YPEL1: variants seen among roughly 807,000 people sequenced by gnomAD.
YPEL1 encodes yippee like 1, also known as protein yippee-like 1.
Under a neutral mutation model 17.3 loss-of-function variants are expected in YPEL1, and 7 were observed. That is an observed-to-expected ratio of 0.40 (90% CI 0.23 to 0.76). The LOEUF is 0.76. Ranked by LOEUF, YPEL1 falls within the 30% of genes least tolerant of loss-of-function variation. The probability of loss-of-function intolerance (pLI) is 0.35; values close to 1 mark genes in which losing one functional copy is unlikely to be tolerated. For synonymous variants in YPEL1, 59 were observed against 59.6 expected, an observed-to-expected ratio of 0.99 and a Z score of 0.05; for missense variants, 91 against 155.5, an observed-to-expected ratio of 0.59 and a Z score of 2.21.
At chr22:21,718,473 A>T (rs2068249962) in intron 1 of YPEL1, among the ~76,000 whole-genome samples, 1 of 151,542 alleles carries the variant, frequency 6.6e-6, no homozygotes, top group Admixed American at 6.6e-5. Flanking sequence ...AAAAAAAAAT[A>T]ATAATATAAA....
intron 1 of YPEL1, among the ~76,000 whole-genome samples, chr22:21,715,587 ATTT>A (rs111467006): frequency 0.41 from 58,927 of 142,468 alleles, 13,036 homozygotes; most frequent in Non-Finnish European, 0.5. Context: ...TAGATTTTTT[ATTT>A]TTTTTATTTT....
At position 21,717,567 on chromosome 22, in the gene YPEL1, C is replaced by T. The variant is rs117789159; in HGVS notation, c.-164-6659G>A. The stretch of plus-strand genomic sequence containing the variant: ...CCAGAATTAAGGAAAAGCTACTAAT[C>T]CACAGACTTAAAAAGCCCAACAGTC... On this transcript the variant is annotated intron_variant, in intron 1 of 4. Coordinates refer to ENST00000339468, the MANE Select transcript of YPEL1 (RefSeq NM_013313.5). 7.9e-5 allele frequency among the ~76,000 whole-genome samples: 12 copies of T among 151,962 alleles called. No individual in the cohort carries two copies. The East Asian group carries it at 2.3e-3, about 29-fold the overall frequency.
At chr22:21,717,019 T>TA (rs1362771310) in intron 1 of YPEL1, among the ~76,000 whole-genome samples, 2 of 150,602 alleles carry the variant, frequency 1.3e-5, no homozygotes, top group Non-Finnish European at 2.9e-5. Context: ...AATAGGAGAA[T>TA]AAAAAGAGAA....
chr22:21,725,789 T>TC, intron 1 of YPEL1, among the ~76,000 whole-genome samples: 1 of 150,600 alleles, frequency 6.6e-6, no homozygotes, highest in East Asian at 2.0e-4. Context: ...GCCCAGGAGT[T>TC]CGAGACCAGC....
At chr22:21,717,139 G>A (rs1379086594) in intron 1 of YPEL1, among the ~76,000 whole-genome samples, 1 of 106,838 alleles carries the variant, frequency 9.4e-6, no homozygotes, top group East Asian at 1.9e-4. Context: ...GCCGGGGCTG[G>A]GGGGGCGGGG....
intron 1 of YPEL1, among the ~76,000 whole-genome samples, chr22:21,732,359 T>G (rs1225969071): frequency 6.6e-6 from 1 of 152,230 alleles, no homozygotes; most frequent in Non-Finnish European, 1.5e-5. Context: ...CTTAAAAACA[T>G]TTACGTCAAC....
At chr22:21,719,270 C>A (rs1172375381) in intron 1 of YPEL1, among the ~76,000 whole-genome samples, 3 of 152,210 alleles carry the variant, frequency 2.0e-5, no homozygotes, top group Non-Finnish European at 4.4e-5. Flanking sequence ...TCATTCAAAT[C>A]CATGCATGTT....
chr22:21,722,433 A>G (rs2068292421), intron 1 of YPEL1, among the ~76,000 whole-genome samples: 1 of 151,536 alleles, frequency 6.6e-6, no homozygotes, highest in African/African-American at 2.4e-5. Flanking sequence ...CCCCAAAACC[A>G]AAAAACACCT....
At chr22:21,731,804 A>G (rs2068389745) in intron 1 of YPEL1, among the ~76,000 whole-genome samples, 2 of 152,176 alleles carry the variant, frequency 1.3e-5, no homozygotes, top group Non-Finnish European at 2.9e-5. Context: ...AAGTTCTGCT[A>G]CCTTCTTTGT....
chr22:21,718,189 T>C (rs950238674), intron 1 of YPEL1, among the ~76,000 whole-genome samples: 12 of 147,258 alleles, frequency 8.1e-5, no homozygotes, highest in Middle Eastern at 3.6e-3. Flanking sequence ...TGAGTCTGGG[T>C]GCAGTGGCTC....
At chr22:21,709,116 C>A (rs2068141712) in intron 2 of YPEL1, among the ~76,000 whole-genome samples, 1 of 152,186 alleles carries the variant, frequency 6.6e-6, no homozygotes, top group South Asian at 2.1e-4. Context: ...TTGACCACCT[C>A]TCAGTGCTCA....
Position 21,701,125 on chromosome 22 carries a change from C to T in YPEL1, c.*4G>A. 1 of 1,612,528 alleles carries T rather than the reference C, an allele frequency of 6.2e-7. No homozygotes were observed. The highest frequency in any genetic ancestry group is 8.5e-7 in the Non-Finnish European group (1 of 1,178,746). On this transcript the variant is annotated 3_prime_UTR_variant, in exon 5 of 5. Transcript: ENST00000339468. ...CATTCAAAGGAGAAGGGAAAGTTCGCACATTACTCCCAGCCATTGTCTTTG... is the reference window on the plus strand; with the variant it reads ...CATTCAAAGGAGAAGGGAAAGTTCGTACATTACTCCCAGCCATTGTCTTTG...
chr22:21,717,793 G>C (rs2068241681), intron 1 of YPEL1, among the ~76,000 whole-genome samples: 3 of 152,152 alleles, frequency 2.0e-5, no homozygotes, highest in Non-Finnish European at 4.4e-5. Flanking sequence ...GATAATAACT[G>C]ATATCTCAGA....
chr22:21,720,479 G>A (rs1248823322), intron 1 of YPEL1, among the ~76,000 whole-genome samples: 2 of 151,822 alleles, frequency 1.3e-5, no homozygotes, highest in Non-Finnish European at 2.9e-5. Flanking sequence ...GGGATTACAG[G>A]CATCAGCCAC....
intron 1 of YPEL1, among the ~76,000 whole-genome samples, chr22:21,714,139 G>A (rs1307212257): frequency 3.3e-5 from 5 of 151,780 alleles, no homozygotes; most frequent in African/African-American, 9.7e-5. Context: ...CCCCACCTGC[G>A]CAGGCACGCC....
At chr22:21,717,141 G>A (rs557826204) in intron 1 of YPEL1, among the ~76,000 whole-genome samples, 13 of 106,924 alleles carry the variant, frequency 1.2e-4, no homozygotes, top group Middle Eastern at 6.3e-3. Flanking sequence ...CGGGGCTGGG[G>A]GGGCGGGGGG....
intron 1 of YPEL1, among the ~76,000 whole-genome samples, chr22:21,726,738 C>A (rs576410845): frequency 6.6e-6 from 1 of 152,344 alleles, no homozygotes; most frequent in Non-Finnish European, 1.5e-5. Flanking sequence ...TTGCTGGCCC[C>A]TTCCTGCACC....
At chr22:21,734,696 C>A (rs556788098) in intron 1 of YPEL1, among the ~76,000 whole-genome samples, 1 of 152,226 alleles carries the variant, frequency 6.6e-6, no homozygotes, top group Non-Finnish European at 1.5e-5. Context: ...AAAATGACAT[C>A]AGGATTAAGC....
intron 1 of YPEL1, among the ~76,000 whole-genome samples, chr22:21,723,628 A>G (rs2148612028): frequency 6.6e-6 from 1 of 152,106 alleles, no homozygotes; most frequent in East Asian, 1.9e-4. Flanking sequence ...CAGCCTCCCA[A>G]AGTGCTAGGA....
Sources: allele counts gnomAD v4.1 joint callset (sites outside exome capture counted in the v4.1 genomes callset), GRCh38; gene constraint gnomAD v4.1.1; transcripts MANE v1.5; gene names NCBI Gene and HGNC (gene_info 2026-07-23, HGNC 2026-07-21).